NRIP1: variants seen among roughly 807,000 people sequenced by gnomAD.
NRIP1 encodes the protein nuclear receptor interacting protein 1, also known as nuclear receptor-interacting protein 1.
A neutral mutation model predicts 75.0 loss-of-function variants in NRIP1; 28 were observed. That is an observed-to-expected ratio of 0.37 (90% CI 0.28 to 0.51). The LOEUF is 0.51. NRIP1 is among the 20% of genes least tolerant of loss of function. The pLI is 0.92. For synonymous variants in NRIP1, 526 were observed against 487.6 expected (o/e 1.08, Z -1.04); for missense variants, 1,435 against 1,343.7 (o/e 1.07, Z -1.06).
intron 3 of NRIP1, among the ~76,000 whole-genome samples, chr21:15,011,287 T>A (rs62220718): frequency 0.16 from 23,967 of 152,106 alleles, 2,311 homozygotes; most frequent in East Asian, 0.22. Context: ...CCTCCCGGGT[T>A]CACGCCATTC....
Position 15,003,133 on chromosome 21 carries a change from G to A in NRIP1, c.-335+11211C>T, listed in dbSNP as rs143091464. Among the ~76,000 whole-genome samples the A allele has an allele frequency of 2.9e-3, 445 of 152,070 alleles. 2 individuals carry two copies. The East Asian group carries it at 0.032, about 11-fold the overall frequency. On this transcript the variant is annotated intron_variant, in intron 3 of 3. Transcript: ENST00000318948. ...AAGGTATGCCAGTCATTGAGTAGGC[G>A]AATGACAGAAGTTGTTAAATATTTT... is the stretch of plus-strand genomic sequence containing the variant.
chr21:15,007,913 C>T (rs933955322), intron 3 of NRIP1, among the ~76,000 whole-genome samples: 4 of 152,218 alleles, frequency 2.6e-5, no homozygotes, highest in Non-Finnish European at 4.4e-5. Context: ...TGCATGACAT[C>T]ATCACACAAT....
intron 3 of NRIP1, among the ~76,000 whole-genome samples, chr21:15,002,735 C>A (rs1293835754): frequency 6.6e-6 from 1 of 152,142 alleles, no homozygotes; most frequent in Non-Finnish European, 1.5e-5. Flanking sequence ...ATTGTACTAT[C>A]CAGCGCAGTT....
At chr21:15,045,411 A>G (rs2089049604) in intron 1 of NRIP1, among the ~76,000 whole-genome samples, 1 of 152,218 alleles carries the variant, frequency 6.6e-6, no homozygotes. Context: ...ACACTGTACT[A>G]TAGTCTATTA....
intron 2 of NRIP1, among the ~76,000 whole-genome samples, chr21:15,037,389 T>C (rs909129163): frequency 1.1e-4 from 16 of 152,214 alleles, no homozygotes; most frequent in Admixed American, 7.2e-4. Context: ...TGGAGTTGTG[T>C]TTCACCAATA....
At chr21:15,063,127 G>A (rs1978469223) in intron 1 of NRIP1, among the ~76,000 whole-genome samples, 2 of 152,062 alleles carry the variant, frequency 1.3e-5, no homozygotes, top group African/African-American at 4.8e-5. Context: ...AAACAGACTA[G>A]AACAACCAAT....
intron 1 of NRIP1, among the ~76,000 whole-genome samples, chr21:15,062,481 T>A (rs1431248030): frequency 6.6e-6 from 1 of 152,258 alleles, no homozygotes; most frequent in Non-Finnish European, 1.5e-5. Context: ...CAATCAGAAC[T>A]GCCTTGGCGC....
chr21:15,049,063 T>A (rs567597819), intron 1 of NRIP1, among the ~76,000 whole-genome samples: 8 of 152,336 alleles, frequency 5.3e-5, no homozygotes, highest in Admixed American at 5.2e-4. Context: ...TTCTTAAAAT[T>A]AATCTGCCTA....
intron 1 of NRIP1, among the ~76,000 whole-genome samples, chr21:15,045,604 G>A (rs2089055166): frequency 6.6e-6 from 1 of 152,182 alleles, no homozygotes. Flanking sequence ...TGGGGTCTCT[G>A]TAATGATTTC....
intron 3 of NRIP1, among the ~76,000 whole-genome samples, chr21:14,998,549 C>T (rs1189603196): frequency 1.3e-5 from 2 of 152,158 alleles, no homozygotes; most frequent in African/African-American, 4.8e-5. Context: ...TTGTGATGTG[C>T]TACAGTTGAC....
intron 1 of NRIP1, among the ~76,000 whole-genome samples, chr21:15,064,132 T>G (rs1046776126): frequency 6.6e-6 from 1 of 152,168 alleles, no homozygotes; most frequent in Non-Finnish European, 1.5e-5. Context: ...TCACCCTAAA[T>G]GGGGGCCGGC....
intron 1 of NRIP1, among the ~76,000 whole-genome samples, chr21:15,049,122 T>C (rs2089150012): frequency 6.6e-6 from 1 of 152,106 alleles, no homozygotes; most frequent in African/African-American, 2.4e-5. Context: ...CAAAATACAA[T>C]ATAGGGCCAT....
At chr21:14,976,827 G>C (rs966190573) in intron 3 of NRIP1, among the ~76,000 whole-genome samples, 1 of 152,226 alleles carries the variant, frequency 6.6e-6, no homozygotes, top group East Asian at 1.9e-4. Flanking sequence ...TATCTTACTT[G>C]CAATTAAATA....
At chr21:15,005,629 G>A (rs949529302) in intron 3 of NRIP1, among the ~76,000 whole-genome samples, 3 of 152,090 alleles carry the variant, frequency 2.0e-5, no homozygotes, top group Admixed American at 6.6e-5. Context: ...AAGGTTTTCC[G>A]AACTAATCTG....
rs2086643242 is a variant in NRIP1 at position 14,963,503 on chromosome 21, C to T, written c.*1213G>A. ...CAAAGACATAACGGTAATATATGAA[C>T]TACAATATTGCAAATTTTGAGCTGA... On this transcript the variant is annotated 3_prime_UTR_variant, in exon 4 of 4. Transcript: ENST00000318948. 6.6e-6 allele frequency: 1 copy of T among 152,470 alleles called. No homozygotes were observed. The highest frequency in any genetic ancestry group is 2.4e-5 in the African/African-American group (1 of 41,394). The allele number at this position is 152,470 out of a possible 1,614,324, so 9.4% of individuals were successfully genotyped here. A position where few individuals can be genotyped will look rare whatever the true frequency, so the allele number is the denominator to read the frequency against.
intron 3 of NRIP1, among the ~76,000 whole-genome samples, chr21:14,969,569 A>G (rs886254470): frequency 6.6e-6 from 1 of 152,204 alleles, no homozygotes; most frequent in Admixed American, 6.5e-5. Flanking sequence ...GGGGGCCATG[A>G]CACCTTTGGA....
intron 2 of NRIP1, among the ~76,000 whole-genome samples, chr21:15,028,882 C>A (rs899309677): frequency 1.3e-5 from 2 of 151,998 alleles, no homozygotes; most frequent in African/African-American, 2.4e-5. Flanking sequence ...TCTGACATCC[C>A]CATTTGGAGG....
rs562973298 is a variant in NRIP1, at chr21:15,029,368, G to A, written c.-458+14127C>T. On this transcript the variant is annotated intron_variant, in intron 2 of 3. Transcript: ENST00000318948. ...AGAGGGCTGCATCACTAGCTCCCAT[G>A]CTGACTCAGCCTCTACTCAAGTCAC... Among the ~76,000 whole-genome samples, 23 of 152,148 alleles carry A rather than the reference G, an allele frequency of 1.5e-4. No homozygotes were observed. In the East Asian group the frequency reaches 4.3e-3, roughly 28 times the overall value.
intron 3 of NRIP1, among the ~76,000 whole-genome samples, chr21:14,975,157 C>T (rs2087017726): frequency 6.6e-6 from 1 of 152,010 alleles, no homozygotes; most frequent in South Asian, 2.1e-4. Context: ...AGGAAACATT[C>T]ATCTAGGATG....
Sources: allele counts gnomAD v4.1 joint callset (sites outside exome capture counted in the v4.1 genomes callset), GRCh38; gene constraint gnomAD v4.1.1; transcripts MANE v1.5; gene names NCBI Gene and HGNC (gene_info 2026-07-23, HGNC 2026-07-21).